TTLL4: variants seen among roughly 807,000 people sequenced by gnomAD.
The protein encoded by TTLL4 is tubulin tyrosine ligase like 4, also known as tubulin monoglutamylase TTLL4.
In TTLL4, 85 loss-of-function variants were observed where a neutral mutation model predicts 122.7. The observed-to-expected ratio is 0.69, with a 90% CI of 0.58 to 0.83. The LOEUF (loss-of-function observed/expected upper bound fraction) is 0.83. Among genes scored for constraint, TTLL4 ranks in the 40% least tolerant of loss-of-function variants. The pLI is 0.00. For synonymous variants in TTLL4, 553 were observed against 563.0 expected, an observed-to-expected ratio of 0.98 and a Z score of 0.25; for missense variants, 1,363 against 1,488.6, an observed-to-expected ratio of 0.92 and a Z score of 1.39.
intron 12 of TTLL4, 41 bp from the exon 13 acceptor site, chr2:218,748,795 C>T: frequency 6.3e-7 from 1 of 1,578,830 alleles, no homozygotes; most frequent in Non-Finnish European, 8.7e-7. Context: ...TCACTCATTC[C>T]TAGAATTTAA....
chr2:218,741,876 G>T (rs556632883), intron 5 of TTLL4, among the ~76,000 whole-genome samples: 1 of 152,228 alleles, frequency 6.6e-6, no homozygotes, highest in Admixed American at 6.5e-5. Flanking sequence ...TTAATCATTT[G>T]CTCATTAATT....
Position 218,737,996 on chromosome 2 carries a change from C to A in TTLL4, c.320C>A (p.Ser107Tyr), listed in dbSNP as rs200209261. Residue 107 changes from serine (S) to tyrosine (Y), a missense_variant, in exon 3 of 20, where the codon TCT becomes TAT. This residue lies in a region of TTLL4 where 760 missense variants were observed against 808.4 expected (regional missense o/e 0.94). Transcript: ENST00000392102. ...AGHSSSCYLH[S>Y]LPDLFNSTLL... ...CACAGCAGTTCCTGTTACCTACACT[C>A]TCTCCCGGACTTGTTCAACAGCACC... 12 of 1,614,082 alleles carry A rather than the reference C, an allele frequency of 7.4e-6. No individual in the cohort carries two copies. The highest frequency in any genetic ancestry group is 8.5e-6 in the Non-Finnish European group (10 of 1,180,054).
chr2:218,727,884 T>C (rs1942241848), intron 2 of TTLL4: 2 of 152,280 alleles, frequency 1.3e-5, no homozygotes, highest in African/African-American at 4.8e-5. Flanking sequence ...TTTGCTGTTA[T>C]TTCTTGTGGA....
intron 2 of TTLL4, among the ~76,000 whole-genome samples, chr2:218,729,071 T>C (rs941380867): frequency 6.6e-6 from 1 of 151,990 alleles, no homozygotes; most frequent in African/African-American, 2.4e-5. Context: ...TAGCTGGGAT[T>C]ATGGATGCCC....
chr2:218,749,922 TA>T lies in TTLL4; in HGVS notation c.2736-84del, dbSNP rs562814820. ...CTTTCATCTTAGGGAAGCCAGGAAG[TA>T]AATGAGACTAGCCCTGAGTTGCACA... is the stretch of plus-strand genomic sequence containing the variant. On this transcript the variant is annotated intron_variant, in intron 14 of 19. Coordinates refer to ENST00000392102, the MANE Select transcript of TTLL4 (RefSeq NM_014640.5). 285 of 1,520,088 alleles carry T rather than the reference TA, an allele frequency of 1.9e-4. 4 individuals are homozygous for T. In the South Asian group the frequency reaches 3.4e-3, roughly 18 times the overall value. 94.2% of individuals were successfully genotyped at this position (1,520,088 alleles called of 1,614,324 possible).
intron 13 of TTLL4, among the ~76,000 whole-genome samples, 159 bp downstream of exon 13, chr2:218,749,093 A>G (rs1402861812): frequency 6.6e-6 from 1 of 152,176 alleles, no homozygotes; most frequent in Non-Finnish European, 1.5e-5. Flanking sequence ...AATGAACCTC[A>G]TCCCCAGGAG....
At chr2:218,753,259 T>C in intron 18 of TTLL4, 74 bp downstream of exon 18, 1 of 1,547,252 alleles carries the variant, frequency 6.5e-7, no homozygotes, top group Non-Finnish European at 8.9e-7. Flanking sequence ...GCAGCAGGAG[T>C]TGGGTTGGTA....
Position 218,737,700 on chromosome 2 carries a change from C to G in TTLL4, c.24C>G (p.His8Gln). Residue 8 changes from histidine (H) to glutamine (Q), a missense_variant, in exon 3 of 20, where the codon CAC becomes CAG. Physicochemically the swap from His to Gln is conservative, Grantham distance 24. Transcript: ENST00000392102. Reference protein sequence around the residue: MASAGTQHYSIGLRQKNS... With the variant: MASAGTQQYSIGLRQKNS... ...TCATGGCCTCAGCAGGAACACAGCA[C>G]TATAGTATTGGCCTCCGCCAGAAAA... The G allele has an allele frequency of 6.2e-7, 1 of 1,609,916 alleles. No homozygotes were observed. The highest frequency in any genetic ancestry group is 8.5e-7 in the Non-Finnish European group (1 of 1,177,890).
At chr2:218,746,887 T>C (rs1575180041) in intron 8 of TTLL4, 116 bp from the exon 9 acceptor site, 2 of 1,166,408 alleles carry the variant, frequency 1.7e-6, no homozygotes, top group East Asian at 4.8e-5. Context: ...GATAGTAAGA[T>C]GGAACAAAAG....
At chr2:218,725,251 G>C (rs758184406) in intron 1 of TTLL4, among the ~76,000 whole-genome samples, 1 of 152,002 alleles carries the variant, frequency 6.6e-6, no homozygotes, top group Admixed American at 6.6e-5. Context: ...ACAGAATCTT[G>C]CTGTGTCCCC....
intron 1 of TTLL4, among the ~76,000 whole-genome samples, chr2:218,719,253 A>G (rs766028702): frequency 5.5e-4 from 84 of 152,112 alleles, no homozygotes; most frequent in Non-Finnish European, 7.8e-4. Flanking sequence ...ATTTGAGGTT[A>G]AAGATCCCCA....
chr2:218,749,744 G>A (rs1942966339), intron 14 of TTLL4, among the ~76,000 whole-genome samples: 1 of 152,214 alleles, frequency 6.6e-6, no homozygotes, highest in Admixed American at 6.5e-5. Context: ...TGGGATTACA[G>A]ATGTGAGCCA....
rs780933072 is a variant in TTLL4, at chr2:218,750,094, A to G, written c.2821A>G (p.Asn941Asp). The change falls in exon 15 of 20, where the codon AAT becomes GAT. Residue 941 changes from asparagine (N) to aspartate (D), a missense_variant. Coordinates refer to ENST00000392102, the MANE Select transcript of TTLL4 (RefSeq NM_014640.5). Reference protein sequence around the residue: ...LLNLAGFVLPNAEDIISSPSS... With the variant: ...LLNLAGFVLPDAEDIISSPSS... The stretch of plus-strand genomic sequence containing the variant: ...GAATCTGGCAGGTTTTGTCCTGCCC[A>G]ATGCAGAGGATATCATTTCCAGCCC... 7.4e-6 allele frequency: 12 copies of G among 1,613,976 alleles called. No homozygotes were observed. Among genetic ancestry groups the G allele is most frequent in the Middle Eastern group, 1.6e-4 (1 of 6,080 alleles).
Position 218,748,117 on chromosome 2 carries a change from C to T in TTLL4, c.2391C>T (p.Ser797=). The change falls in exon 12 of 20, where the codon TCC becomes TCT. Residue 797 remains serine, a synonymous_variant. Coordinates refer to ENST00000392102, the MANE Select transcript of TTLL4 (RefSeq NM_014640.5). ...TCCTTACTTCCAGGTATTCGCCTTC[C>T]ATGAAGAGCCTTGGCAATAAGTTCA... ...VRFASCKYSP[S]MKSLGNKFMH... 6.2e-7 allele frequency: 1 copy of T among 1,614,118 alleles called. No individual in the cohort carries two copies. Among genetic ancestry groups the T allele is most frequent in the Non-Finnish European group, 8.5e-7 (1 of 1,180,020 alleles).
chr2:218,734,424 C>T (rs1942460064), intron 2 of TTLL4, among the ~76,000 whole-genome samples: 1 of 152,122 alleles, frequency 6.6e-6, no homozygotes, highest in Non-Finnish European at 1.5e-5. Context: ...CTCCTTGCTC[C>T]TAGTGTGATG....
intron 2 of TTLL4, among the ~76,000 whole-genome samples, chr2:218,730,344 A>AG (rs1942341632): frequency 1.6e-5 from 2 of 127,728 alleles, no homozygotes; most frequent in Non-Finnish European, 3.3e-5. Context: ...AAAAAAAAAA[A>AG]AAAAAGAAAA....
chr2:218,757,661 T>C (rs1943177733), downstream of TTLL4, among the ~76,000 whole-genome samples: 1 of 152,110 alleles, frequency 6.6e-6, no homozygotes, highest in African/African-American at 2.4e-5. Flanking sequence ...TTTCAAGCTG[T>C]TTGGCTGAGG....
At chr2:218,758,299 T>C (rs960395285), downstream of TTLL4, among the ~76,000 whole-genome samples, 1 of 152,162 alleles carries the variant, frequency 6.6e-6, no homozygotes, top group Non-Finnish European at 1.5e-5. Context: ...TGAAAAGATA[T>C]TTAAGTTTCA....
chr2:218,735,562 A>G (rs1339714867), intron 2 of TTLL4, among the ~76,000 whole-genome samples: 4 of 152,160 alleles, frequency 2.6e-5, no homozygotes, highest in Non-Finnish European at 5.9e-5. Flanking sequence ...TGACAGAGCA[A>G]GACCCTCAAA....
Sources: gnomAD v4.1 joint callset for allele counts (sites outside exome capture counted in the v4.1 genomes callset) on GRCh38, gnomAD v4.1.1 for gene constraint, gnomAD v4.1.1 regional missense constraint, MANE v1.5 for transcripts, NCBI Gene and HGNC (gene_info 2026-07-23, HGNC 2026-07-21) for gene names.